The following DNAH17 variants were observed in gnomAD, a reference collection of about 807,000 sequenced individuals.
The protein encoded by DNAH17 is dynein axonemal heavy chain 17.
DNAH17 carries 376 observed loss-of-function variants against 485.6 expected under a neutral mutation model. That is an observed-to-expected ratio of 0.77 (90% CI 0.71 to 0.84). DNAH17 has a LOEUF of 0.84. DNAH17 is among the 40% of genes least tolerant of loss of function. The pLI is 0.00. For synonymous variants in DNAH17, 3,031 were observed against 2,405.9 expected, an observed-to-expected ratio of 1.26 and a Z score of -7.60; for missense variants, 6,370 against 5,839.3, an observed-to-expected ratio of 1.09 and a Z score of -2.96.
At chr17:78,522,945 C>G (rs1478812035) in intron 25 of DNAH17, 2 of 156,128 alleles carry the variant, frequency 1.3e-5, no homozygotes, top group African/African-American at 4.8e-5. Context: ...CCTCCACCTC[C>G]TGGGCTCAAG....
At chr17:78,526,102 C>T (rs4969156) in intron 24 of DNAH17, among the ~76,000 whole-genome samples, 19,921 of 152,218 alleles carry the variant, frequency 0.13, 1,689 homozygotes, top group Middle Eastern at 0.22. Context: ...CCCACAAGGG[C>T]CTTTTGGGCC....
At position 78,569,498 on chromosome 17, in the gene DNAH17, C is replaced by G. The variant is rs2092319103; in HGVS notation, c.1074G>C (p.Val358=). ...CGATTTCACCTTGCAGGCCCTTCAG[C>G]ACCTCTTCCGGGCTCAGGAAGGTTC... ...MTRTFLSPEE[V]LKGLQGEIEE... is the part of the protein sequence containing the mutation. The change falls in exon 8 of 81, where the codon GTG becomes GTC. Residue 358 remains valine (V), a synonymous_variant. Transcript: ENST00000389840. 1.2e-6 allele frequency: 2 copies of G among 1,609,360 alleles called. No individual in the cohort carries two copies. Among genetic ancestry groups the G allele is most frequent in the Admixed American group, 1.7e-5 (1 of 59,296 alleles).
At chr17:78,560,715 C>T (rs377212693) in intron 13 of DNAH17, 25 bp downstream of exon 13, 61 of 1,529,224 alleles carry the variant, frequency 4.0e-5, no homozygotes, top group East Asian at 7.4e-5. Context: ...GAGCCTTTGA[C>T]GCGGTCCCCA....
chr17:78,575,124 C>T, intron 1 of DNAH17, 42 bp from the exon 2 acceptor site: 5 of 1,339,168 alleles, frequency 3.7e-6, no homozygotes, highest in Non-Finnish European at 5.1e-6. Context: ...GTCTCCCGGG[C>T]TCCCCAATTT....
rs201090689 is a variant in DNAH17 at position 78,571,728 on chromosome 17, G to A, written c.594C>T (p.Ile198=). The A allele has an allele frequency of 4.2e-4, 678 of 1,612,294 alleles. No individual in the cohort carries two copies. Among genetic ancestry groups the A allele is most frequent in the Non-Finnish European group, 5.5e-4 (652 of 1,179,062 alleles). The change falls in exon 4 of 81, where the codon ATC becomes ATT. Residue 198 remains isoleucine, a synonymous_variant. Transcript: ENST00000389840. ...CATCCCGGATCTGGTGGGACCAGTCGATGATGGTGGTTTCAATGGCGTGCA... is the reference window on the plus strand; with the variant it reads ...CATCCCGGATCTGGTGGGACCAGTCAATGATGGTGGTTTCAATGGCGTGCA... ...LLLHAIETTI[I]DWSHQIRDVL...
Position 78,543,843 on chromosome 17 carries a change from G to A in DNAH17, c.2532+14C>T, listed in dbSNP as rs754858774. The A allele has an allele frequency of 2.5e-6, 4 of 1,613,950 alleles. No individual in the cohort carries two copies. Among genetic ancestry groups the A allele is most frequent in the African/African-American group, 2.7e-5 (2 of 75,044 alleles). On this transcript the variant is annotated intron_variant, in intron 17 of 80. Coordinates refer to ENST00000389840, the MANE Select transcript of DNAH17 (RefSeq NM_173628.4). ...CAAGTGGGTTCTCAAAAAACCTCCT[G>A]GGTGTTTCCTTACTGCAACCATGGC...
intron 70 of DNAH17, 56 bp downstream of exon 70, chr17:78,445,502 G>A (rs1177138369): frequency 5.2e-6 from 8 of 1,542,086 alleles, no homozygotes; most frequent in South Asian, 3.6e-5. Context: ...AGCATCAGCT[G>A]GAGGGGGCTC....
chr17:78,527,608 A>G (rs557286858), intron 22 of DNAH17, among the ~76,000 whole-genome samples: 30 of 152,200 alleles, frequency 2.0e-4, no homozygotes, highest in African/African-American at 7.2e-4. Context: ...CCATTACAAC[A>G]GAGGAATTCC....
At chr17:78,527,415 T>TA (rs1355848354) in intron 22 of DNAH17, among the ~76,000 whole-genome samples, 1 of 152,064 alleles carries the variant, frequency 6.6e-6, no homozygotes, top group Admixed American at 6.6e-5. Flanking sequence ...CCAGCCTCCT[T>TA]AATGGCGAAC....
chr17:78,426,510 G>A lies in DNAH17; in HGVS notation c.12862C>T (p.Pro4288Ser), dbSNP rs754758567. Residue 4288 changes from proline to serine, a missense_variant, in exon 79 of 81, where the codon CCC becomes TCC. Physicochemically the swap from Pro to Ser is moderately conservative, Grantham distance 74. Transcript: ENST00000389840. ...VPDTWVARAY[P>S]SMMGLAAWYA... ...CAGGCCGCCAGGCCCATCATGGAGG[G>A]GTAGGCCCGGGCCACCCACGTATCA... The A allele has an allele frequency of 6.2e-7, 1 of 1,613,598 alleles. No homozygotes were observed. Among genetic ancestry groups the A allele is most frequent in the Non-Finnish European group, 8.5e-7 (1 of 1,179,712 alleles).
At chr17:78,562,910 G>A (rs1830112061) in intron 11 of DNAH17, among the ~76,000 whole-genome samples, 2 of 152,316 alleles carry the variant, frequency 1.3e-5, no homozygotes, top group Non-Finnish European at 2.9e-5. Flanking sequence ...CCCCAGTGCT[G>A]GGTGTGAGTG....
intron 22 of DNAH17, among the ~76,000 whole-genome samples, chr17:78,527,581 A>G (rs1267794965): frequency 6.6e-6 from 1 of 152,070 alleles, no homozygotes; most frequent in Admixed American, 6.5e-5. Flanking sequence ...CACCGCCACA[A>G]TCAAGATATG....
intron 16 of DNAH17, among the ~76,000 whole-genome samples, chr17:78,550,028 C>G (rs1405252470): frequency 6.6e-6 from 1 of 152,138 alleles, no homozygotes; most frequent in Non-Finnish European, 1.5e-5. Context: ...GATCGAGAAG[C>G]CACACGTGCA....
At chr17:78,501,017 C>G in intron 35 of DNAH17, 167 bp downstream of exon 35, 1 of 750,104 alleles carries the variant, frequency 1.3e-6, no homozygotes, top group Non-Finnish European at 2.0e-6. Context: ...ACAGCCGGTG[C>G]TAGAACAAGG....
Position 78,526,955 on chromosome 17 carries a change from A to G in DNAH17, c.3549T>C (p.Ile1183=). Residue 1183 remains isoleucine (I), a synonymous_variant, in exon 23 of 81, where the codon ATT becomes ATC. Coordinates refer to ENST00000389840, the MANE Select transcript of DNAH17 (RefSeq NM_173628.4). ...EHWANTKKLA[I]QVKLTVAPLQ... ...GTGGTGCCACGGTCAGCTTCACCTGAATGGCCAGTTTCTTGGTATTTGCCC... is the reference window on the plus strand; with the variant it reads ...GTGGTGCCACGGTCAGCTTCACCTGGATGGCCAGTTTCTTGGTATTTGCCC... The G allele has an allele frequency of 6.3e-7, 1 of 1,588,964 alleles. No individual in the cohort carries two copies. Among genetic ancestry groups the G allele is most frequent in the Non-Finnish European group, 8.6e-7 (1 of 1,167,438 alleles).
Position 78,501,944 on chromosome 17 carries a change from G to A in DNAH17, c.5191-71C>T, listed in dbSNP as rs921444471. On this transcript the variant is annotated intron_variant, in intron 33 of 80. Transcript: ENST00000389840. ...GCACTGGGGGGTCTTGTGGCTGGGT[G>A]CCCACAGCTGCATAGGGAACACCAC... is the stretch of plus-strand genomic sequence containing the variant. The A allele has an allele frequency of 6.3e-6, 10 of 1,592,714 alleles. No homozygotes were observed. The African/African-American group carries it at 1.1e-4, about 17-fold the overall frequency.
chr17:78,459,735 A>T, intron 60 of DNAH17, 49 bp downstream of exon 60: 1 of 1,605,590 alleles, frequency 6.2e-7, no homozygotes, highest in Non-Finnish European at 8.5e-7. Context: ...CCTTGGCCTG[A>T]TGGAGAATCG....
Position 78,470,455 on chromosome 17 carries a change from C to A in DNAH17, c.8512-1572G>T, listed in dbSNP as rs969148600. ...CTGTAATCCCAGCACTTTGGGAGGC[C>A]GAGGAGGGTGGATCACCTGAGGTTA... On this transcript the variant is annotated intron_variant, in intron 54 of 80. Coordinates refer to ENST00000389840, the MANE Select transcript of DNAH17 (RefSeq NM_173628.4). Among the ~76,000 whole-genome samples, 9 of 151,564 alleles carry A rather than the reference C, an allele frequency of 5.9e-5. 1 individual carries two copies. Among genetic ancestry groups the A allele is most frequent in the Admixed American group, 5.9e-4 (9 of 15,252 alleles).
intron 64 of DNAH17, 70 bp downstream of exon 64, chr17:78,454,400 A>C: frequency 7.9e-7 from 1 of 1,272,528 alleles, no homozygotes; most frequent in Non-Finnish European, 1.1e-6. Flanking sequence ...CCATTGAACC[A>C]ATATGGAATG....
Sources: gnomAD v4.1 joint callset for allele counts (sites outside exome capture counted in the v4.1 genomes callset) on GRCh38, gnomAD v4.1.1 for gene constraint, MANE v1.5 for transcripts, NCBI Gene and HGNC (gene_info 2026-07-23, HGNC 2026-07-21) for gene names.